Variants in UPF2 observed in about 807,000 individuals in gnomAD.
UPF2 encodes the protein UPF2 regulator of nonsense mediated mRNA decay, also known as regulator of nonsense transcripts 2.
In UPF2, 17 loss-of-function variants were observed where a neutral mutation model predicts 141.4. The ratio of observed to expected loss-of-function variants is 0.12; its 90% CI spans 0.08 to 0.18. The LOEUF (loss-of-function observed/expected upper bound fraction) is 0.18. UPF2 is among the 10% of genes least tolerant of loss of function. The pLI, the probability that UPF2 is intolerant of heterozygous loss-of-function variation, is 1.00. For missense variants in UPF2, 1,152 were observed against 1,515.9 expected (o/e 0.76, Z 3.99); for synonymous variants, 540 against 498.0 (o/e 1.08, Z -1.12).
chr10:11,923,149 G>A (rs1290026789), intron 21 of UPF2: 3 of 152,220 alleles, frequency 2.0e-5, no homozygotes, highest in African/African-American at 7.2e-5. Context: ...GACATCACTG[G>A]AGATCTTGTT....
At chr10:12,007,545 C>T (rs1205784900) in intron 4 of UPF2, among the ~76,000 whole-genome samples, 2 of 151,946 alleles carry the variant, frequency 1.3e-5, no homozygotes, top group Non-Finnish European at 1.5e-5. Context: ...ATATAATTTC[C>T]GTCGGCCGGG....
At chr10:11,924,623 G>T (rs1219265415) in intron 21 of UPF2, among the ~76,000 whole-genome samples, 1 of 151,742 alleles carries the variant, frequency 6.6e-6, no homozygotes, top group African/African-American at 2.4e-5. Flanking sequence ...TTTGAGACAG[G>T]GTCTGGCTCT....
rs1833887905 is a variant in UPF2, at chr10:11,997,794, CTAAT to C, written c.1759-41_1759-38del. The C allele has an allele frequency of 1.9e-6, 3 of 1,572,196 alleles. No individual in the cohort carries two copies. In the East Asian group the frequency reaches 6.7e-5, roughly 35 times the overall value. On this transcript the variant is annotated intron_variant, in intron 7 of 21. Transcript: ENST00000357604. ...AAGTAAACTTTTTCTTTAAAAACCTCTAATTAGTTACGGAGAGCAGAAATCCTGC... is the reference window on the plus strand; with the variant it reads ...AAGTAAACTTTTTCTTTAAAAACCTCTAGTTACGGAGAGCAGAAATCCTGC...
At chr10:11,966,709 C>T (rs1833327271) in intron 10 of UPF2, among the ~76,000 whole-genome samples, 1 of 152,244 alleles carries the variant, frequency 6.6e-6, no homozygotes, top group Non-Finnish European at 1.5e-5. Flanking sequence ...AAGGCGTGAG[C>T]CACCACGCCC....
chr10:11,975,931 T>G lies in UPF2; in HGVS notation c.1953+3126A>C, dbSNP rs889743181. ...GCTTTCAGATGATCAGTTTTCCCTA[T>G]TAGAGTCATACTGTGAATCACAGTT... is the stretch of plus-strand genomic sequence containing the variant. On this transcript the variant is annotated intron_variant, in intron 9 of 21. Transcript: ENST00000357604. 8.5e-5 allele frequency among the ~76,000 whole-genome samples: 13 copies of G among 152,200 alleles called. No homozygotes were observed. In the East Asian group the frequency reaches 2.5e-3, roughly 29 times the overall value.
At chr10:11,951,780 C>A (rs1833078392) in intron 15 of UPF2, among the ~76,000 whole-genome samples, 3 of 152,130 alleles carry the variant, frequency 2.0e-5, no homozygotes, top group Admixed American at 2.0e-4. Flanking sequence ...ACCAAAAATT[C>A]TAAAAGTAAG....
intron 6 of UPF2, among the ~76,000 whole-genome samples, chr10:12,000,300 G>A (rs1176975890): frequency 1.3e-5 from 2 of 152,166 alleles, no homozygotes; most frequent in Non-Finnish European, 2.9e-5. Context: ...ATTGGTGTCT[G>A]CCCAGCATCC....
chr10:12,001,954 T>C, intron 5 of UPF2, 129 bp from the exon 6 acceptor site: 1 of 801,678 alleles, frequency 1.2e-6, no homozygotes, highest in Non-Finnish European at 1.8e-6. Flanking sequence ...CAACTGAAGT[T>C]AATATATTTA....
At chr10:11,958,481 AAAC>A (rs1361332968) in intron 12 of UPF2, among the ~76,000 whole-genome samples, 1 of 152,228 alleles carries the variant, frequency 6.6e-6, no homozygotes, top group African/African-American at 2.4e-5. Context: ...AAACTATTTG[AAAC>A]AACTACTGCC....
In UPF2 at chr10:11,974,013, G is replaced by A. The variant is rs552374192; in HGVS notation, c.1953+5044C>T. ...TTCATGATATTGATTCTTCCTATCC[G>A]TGAGCATGGAATGTTCTTCCATTTG... On this transcript the variant is annotated intron_variant, in intron 9 of 21. Coordinates refer to ENST00000357604, the MANE Select transcript of UPF2 (RefSeq NM_015542.4). 3.9e-5 allele frequency among the ~76,000 whole-genome samples: 6 copies of A among 152,218 alleles called. No individual in the cohort carries two copies. In the East Asian group the frequency reaches 5.8e-4, roughly 15 times the overall value.
At chr10:12,032,413 T>C (rs914182712) in intron 2 of UPF2, among the ~76,000 whole-genome samples, 3 of 152,130 alleles carry the variant, frequency 2.0e-5, no homozygotes, top group Non-Finnish European at 4.4e-5. Flanking sequence ...AATGCTATGA[T>C]GCTCTACAAT....
At chr10:12,028,533 A>AT (rs1484520998) in intron 3 of UPF2, among the ~76,000 whole-genome samples, 2 of 152,166 alleles carry the variant, frequency 1.3e-5, no homozygotes, top group Non-Finnish European at 2.9e-5. Context: ...TACTTGGCAG[A>AT]TTTTTTTAAA....
At chr10:11,952,036 T>A in intron 15 of UPF2, 30 bp downstream of exon 15, 1 of 1,604,158 alleles carries the variant, frequency 6.2e-7, no homozygotes, top group Non-Finnish European at 8.5e-7. Context: ...AAATATCACC[T>A]TCATTTTCTG....
rs192348516 is a variant in UPF2, at chr10:11,990,611, C to T, written c.1844+7061G>A. Among the ~76,000 whole-genome samples, 1,426 of 145,272 alleles carry T rather than the reference C, an allele frequency of 9.8e-3. 13 individuals carry two copies. Among genetic ancestry groups the T allele is most frequent in the South Asian group, 0.015 (69 of 4,622 alleles). On this transcript the variant is annotated intron_variant, in intron 8 of 21. Transcript: ENST00000357604. ...AGGAGAATAGCGTGAACCTGGGAGG[C>T]GGAGCTTGCAGTGAGCCGAGATCAT...
chr10:11,962,148 C>G (rs2131198364), intron 11 of UPF2, among the ~76,000 whole-genome samples: 1 of 152,308 alleles, frequency 6.6e-6, no homozygotes, highest in East Asian at 1.9e-4. Context: ...TAGTCTCAAC[C>G]TGTTAGCTGG....
intron 16 of UPF2, among the ~76,000 whole-genome samples, chr10:11,947,580 G>C (rs1833016880): frequency 1.3e-5 from 2 of 151,872 alleles, no homozygotes; most frequent in Non-Finnish European, 2.9e-5. Context: ...CCAGGAGTTT[G>C]AGACCAGCCT....
At chr10:11,962,366 T>C (rs1156916683) in intron 11 of UPF2, among the ~76,000 whole-genome samples, 1 of 152,224 alleles carries the variant, frequency 6.6e-6, no homozygotes, top group African/African-American at 2.4e-5. Flanking sequence ...TATTCCCTCA[T>C]ATCTGTGACT....
chr10:11,958,198 A>G (rs563950141), intron 12 of UPF2, among the ~76,000 whole-genome samples: 1 of 152,258 alleles, frequency 6.6e-6, no homozygotes, highest in East Asian at 1.9e-4. Flanking sequence ...ATTACATTAA[A>G]TTTTTTTAAA....
At position 11,956,709 on chromosome 10, in the gene UPF2, T is replaced by C. The variant is rs1833157242; in HGVS notation, c.2371-186A>G. On this transcript the variant is annotated intron_variant, in intron 12 of 21. Coordinates refer to ENST00000357604, the MANE Select transcript of UPF2 (RefSeq NM_015542.4). The surrounding 1 kb of genome is among the most constrained non-coding windows in gnomAD (Gnocchi z 4.2). ...CTAATTACAATAAAATGTATTATCA[T>C]CTTTCCTAAATCCTTCCATAGTGCT... Among the ~76,000 whole-genome samples the C allele has an allele frequency of 2.0e-5, 3 of 152,218 alleles. No individual in the cohort carries two copies. Among genetic ancestry groups the C allele is most frequent in the Non-Finnish European group, 2.9e-5 (2 of 68,034 alleles).
Sources: gnomAD v4.1 joint callset for allele counts (sites outside exome capture counted in the v4.1 genomes callset) on GRCh38, gnomAD v4.1.1 for gene constraint, Gnocchi (gnomAD v3.1) non-coding constraint, MANE v1.5 for transcripts, NCBI Gene and HGNC (gene_info 2026-07-23, HGNC 2026-07-21) for gene names.